USP9X: variants seen among roughly 807,000 people sequenced by gnomAD.
The protein encoded by USP9X is ubiquitin specific peptidase 9 X-linked, also known as ubiquitin carboxyl-terminal hydrolase 9X.
In USP9X, 7 loss-of-function variants were observed where a neutral mutation model predicts 190.3. The observed-to-expected ratio is 0.04, with a 90% CI of 0.02 to 0.07. The LOEUF is 0.07. Ranked by LOEUF, USP9X falls within the 10% of genes least tolerant of loss-of-function variation. USP9X has a pLI of 1.00. For synonymous variants in USP9X, 645 were observed against 659.5 expected (o/e 0.98, Z 0.34); for missense variants, 1,010 against 1,916.9 (o/e 0.53, Z 8.83).
At position 41,216,175 on chromosome X, in the gene USP9X, G is replaced by A; in HGVS notation, c.5608G>A (p.Val1870Ile). Reference sequence around the variant, plus strand: ...AAAATACAGACTTGTGGGTGTGCTCGTACACAGTGGTCAAGCGAGTGGGGG... The same window carrying A: ...AAAATACAGACTTGTGGGTGTGCTCATACACAGTGGTCAAGCGAGTGGGGG... ...STKYRLVGVLVHSGQASGGHY... is the reference protein window; with the variant it reads ...STKYRLVGVLIHSGQASGGHY... The change falls in exon 35 of 45, where the codon GTA (valine) becomes ATA (isoleucine). Residue 1870 changes from valine (V) to isoleucine (I), a missense_variant. Coordinates refer to ENST00000378308, the MANE Select transcript of USP9X (RefSeq NM_001039591.3). The A allele has an allele frequency of 1.7e-6, 2 of 1,211,499 alleles. No individual in the cohort carries two copies. The highest frequency in any genetic ancestry group is 2.2e-6 in the Non-Finnish European group (2 of 895,506).
chrX:41,198,421 T>C, intron 29 of USP9X, 107 bp from the exon 30 acceptor site: 2 of 410,510 alleles, frequency 4.9e-6, no homozygotes, highest in South Asian at 1.2e-4. Flanking sequence ...TGTAATGAGA[T>C]CTTAAATTCC....
chrX:41,186,135 A>G (rs1165861686), intron 23 of USP9X, among the ~76,000 whole-genome samples: 1 of 110,997 alleles, frequency 9.0e-6, no homozygotes, highest in Non-Finnish European at 1.9e-5. Context: ...TTCCAAAGAA[A>G]AATGTGGTAA....
At chrX:41,156,804 C>G (rs367837360) in intron 14 of USP9X, among the ~76,000 whole-genome samples, 1 of 111,647 alleles carries the variant, frequency 9.0e-6, no homozygotes, top group South Asian at 3.8e-4. Flanking sequence ...TGGACCAGAC[C>G]GTGCTGTGCC....
At chrX:41,125,643 A>ACACACAC (rs2062232937) in intron 2 of USP9X, among the ~76,000 whole-genome samples, 1 of 27,709 alleles carries the variant, frequency 3.6e-5, no homozygotes, top group Non-Finnish European at 6.6e-5. Context: ...CCCTCCCGCC[A>ACACACAC]ACACACACAC....
At chrX:41,198,229 T>G (rs2063006192) in intron 29 of USP9X, among the ~76,000 whole-genome samples, 1 of 112,082 alleles carries the variant, frequency 8.9e-6, no homozygotes, top group Non-Finnish European at 1.9e-5. Context: ...CAAAATGGGT[T>G]TAATTTGCTA....
At chrX:41,130,583 G>A (rs754837103) in intron 3 of USP9X, among the ~76,000 whole-genome samples, 2 of 107,648 alleles carry the variant, frequency 1.9e-5, no homozygotes, top group East Asian at 5.8e-4. Context: ...TCGCCTCCTG[G>A]GTTCAAGCGA....
intron 38 of USP9X, among the ~76,000 whole-genome samples, chrX:41,219,788 C>G (rs2063244823): frequency 1.8e-5 from 2 of 111,992 alleles, no homozygotes; most frequent in African/African-American, 3.2e-5. Flanking sequence ...AGGAGACTAA[C>G]CTAGGCACCA....
intron 21 of USP9X, among the ~76,000 whole-genome samples, chrX:41,175,759 A>G (rs970444576): frequency 1.1e-4 from 12 of 108,181 alleles, no homozygotes; most frequent in African/African-American, 4.1e-4. Flanking sequence ...ATTTAAGTCT[A>G]TTACTATATA....
chrX:41,169,998 A>G lies in USP9X; in HGVS notation c.2640A>G (p.Ala880=), dbSNP rs1416529830. 2 of 1,211,463 alleles carry G rather than the reference A, an allele frequency of 1.7e-6. No individual in the cohort carries two copies. The change falls in exon 19 of 45, where the codon GCA becomes GCG. Residue 880 remains alanine (A), a synonymous_variant. Coordinates refer to ENST00000378308, the MANE Select transcript of USP9X (RefSeq NM_001039591.3). ...EERTILPMSR[A]FRGKHLSFVV... ...CTGTCTTTCTTTTTCCCCCCAGAGC[A>G]TTCCGCGGTAAACACCTCTCTTTTG...
intron 18 of USP9X, among the ~76,000 whole-genome samples, chrX:41,169,602 C>T (rs1379505070): frequency 9.1e-6 from 1 of 110,383 alleles, no homozygotes; most frequent in East Asian, 2.8e-4. Flanking sequence ...TTACAGGCGC[C>T]CACCACCAAG....
intron 1 of USP9X, among the ~76,000 whole-genome samples, chrX:41,102,295 CAGAA>C (rs1351055036): frequency 2.7e-5 from 3 of 111,401 alleles, no homozygotes; most frequent in Non-Finnish European, 3.8e-5. Context: ...AAGATACAGG[CAGAA>C]AGAACACCCA....
At chrX:41,211,180 C>T (rs2063154578) in intron 33 of USP9X, among the ~76,000 whole-genome samples, 1 of 111,433 alleles carries the variant, frequency 9.0e-6, no homozygotes, top group South Asian at 3.7e-4. Flanking sequence ...TTTTAGAGAT[C>T]GAATCTCTTG....
intron 37 of USP9X, 107 bp from the exon 38 acceptor site, chrX:41,218,995 T>C (rs1426361522): frequency 1.2e-6 from 1 of 811,145 alleles, no homozygotes; most frequent in Non-Finnish European, 1.7e-6. Flanking sequence ...GATCAGTCCT[T>C]CCATAAATGT....
intron 2 of USP9X, among the ~76,000 whole-genome samples, chrX:41,128,123 A>G (rs2062272557): frequency 8.9e-6 from 1 of 112,215 alleles, no homozygotes. Context: ...ATAATCATGA[A>G]CTTCTAAATA....
intron 14 of USP9X, among the ~76,000 whole-genome samples, 177 bp from the exon 15 acceptor site, chrX:41,162,613 C>T (rs775485022): frequency 2.7e-5 from 3 of 112,049 alleles, no homozygotes; most frequent in South Asian, 3.7e-4. Context: ...GTAACAGGAA[C>T]GTATTTTTGT....
At chrX:41,150,882 G>A in intron 12 of USP9X, 39 bp from the exon 13 acceptor site, 1 of 1,139,323 alleles carries the variant, frequency 8.8e-7, no homozygotes. Flanking sequence ...ATTCTCCTGA[G>A]TATTGATCTA....
At chrX:41,144,879 T>C (rs1296157959) in intron 11 of USP9X, among the ~76,000 whole-genome samples, 2 of 111,015 alleles carry the variant, frequency 1.8e-5, no homozygotes, top group Non-Finnish European at 3.8e-5. Flanking sequence ...TAGTTACAGG[T>C]TCAAGCAAAT....
intron 18 of USP9X, 79 bp downstream of exon 18, chrX:41,168,297 A>T: frequency 1.1e-6 from 1 of 893,947 alleles, no homozygotes; most frequent in South Asian, 4.1e-5. Context: ...AGGAGAGCAG[A>T]AATTTTTCTC....
At chrX:41,210,461 G>A in intron 32 of USP9X, 48 bp from the exon 33 acceptor site, 1 of 1,155,193 alleles carries the variant, frequency 8.7e-7, no homozygotes, top group Non-Finnish European at 1.2e-6. Flanking sequence ...TGTACATATT[G>A]TTCTGTGAAT....
Sources: allele counts gnomAD v4.1 joint callset (sites outside exome capture counted in the v4.1 genomes callset), GRCh38; gene constraint gnomAD v4.1.1; transcripts MANE v1.5; gene names NCBI Gene and HGNC (gene_info 2026-07-23, HGNC 2026-07-21).